PCNX3: variants seen among roughly 807,000 people sequenced by gnomAD.
PCNX3 encodes the protein pecanex-like protein 3.
A neutral mutation model predicts 207.2 loss-of-function variants in PCNX3; 58 were observed. That is an observed-to-expected ratio of 0.28 (90% CI 0.23 to 0.35). The LOEUF (loss-of-function observed/expected upper bound fraction) is 0.35. Ranked by LOEUF, PCNX3 falls within the 10% of genes least tolerant of loss-of-function variation. The pLI, the probability that PCNX3 is intolerant of heterozygous loss-of-function variation, is 1.00. For synonymous variants in PCNX3, 1,337 were observed against 1,183.5 expected (o/e 1.13, Z -2.66); for missense variants, 2,410 against 2,774.4 (o/e 0.87, Z 2.95).
chr11:65,633,057 T>G (rs1855678814), intron 27 of PCNX3, among the ~76,000 whole-genome samples: 1 of 152,152 alleles, frequency 6.6e-6, no homozygotes, highest in Non-Finnish European at 1.5e-5. Context: ...AGCTTTTCTT[T>G]TCTGGGTCTT....
At chr11:65,628,336 C>T (rs1056151023) in intron 22 of PCNX3, among the ~76,000 whole-genome samples, 1 of 152,174 alleles carries the variant, frequency 6.6e-6, no homozygotes, top group African/African-American at 2.4e-5. Context: ...GAAAAGGGGC[C>T]AGCAATAGGA....
At chr11:65,626,856 A>G (rs752348743) in intron 20 of PCNX3, 48 bp from the exon 21 acceptor site, 1 of 1,559,484 alleles carries the variant, frequency 6.4e-7, no homozygotes, top group South Asian at 1.2e-5. Context: ...TCCTCAGGGA[A>G]GGCAGGCATG....
chr11:65,621,562 A>G (rs1182588630), intron 10 of PCNX3, among the ~76,000 whole-genome samples: 2 of 152,238 alleles, frequency 1.3e-5, no homozygotes, highest in African/African-American at 4.8e-5. Context: ...GGCAGCCCCC[A>G]GAAGCTCCCA....
chr11:65,628,060 CA>C (rs1228206865), intron 22 of PCNX3, among the ~76,000 whole-genome samples: 1 of 152,228 alleles, frequency 6.6e-6, no homozygotes, highest in African/African-American at 2.4e-5. Flanking sequence ...CATGCTCCTA[CA>C]CTCTACTGGA....
At position 65,616,284 on chromosome 11, in the gene PCNX3, G is replaced by A. The variant is rs58950470; in HGVS notation, c.-28G>A. 3.3e-6 allele frequency: 5 copies of A among 1,533,656 alleles called. No homozygotes were observed. Among genetic ancestry groups the A allele is most frequent in the East Asian group, 2.5e-5 (1 of 40,324 alleles). On this transcript the variant is annotated 5_prime_UTR_variant, in exon 1 of 35. Transcript: ENST00000355703. ...GCCGCCCCCATGAGGGTCCCGGGAG[G>A]GGGGGCGCGGGCAGCAGCGGCGGGG...
rs749867953 is a variant in PCNX3 at position 65,625,930 on chromosome 11, A to G, written c.3255A>G (p.Ala1085=). Residue 1085 remains alanine (A), a synonymous_variant, in exon 20 of 35, where the codon GCA becomes GCG. Coordinates refer to ENST00000355703, the MANE Select transcript of PCNX3 (RefSeq NM_032223.4). This position sits in a 1 kb window ranked among gnomAD's most constrained non-coding sequence, Gnocchi z 5.6. The part of the protein sequence containing the change: ...LKSVLGFVLY[A]LAGAVGFFTH... ...CGGTGCTGGGTTTCGTGTTGTACGC[A>G]CTGGCTGGGGCCGTGGGCTTCTTCA... The G allele has an allele frequency of 2.5e-6, 4 of 1,613,702 alleles. No individual in the cohort carries two copies. The South Asian group carries it at 3.3e-5, about 13-fold the overall frequency.
intron 27 of PCNX3, among the ~76,000 whole-genome samples, chr11:65,631,389 G>GCT (rs1415147661): frequency 6.6e-6 from 1 of 152,182 alleles, no homozygotes; most frequent in Non-Finnish European, 1.5e-5. Context: ...AAGCGTGGTG[G>GCT]CTCATGCCTG....
rs1382048536 is a variant in PCNX3, at chr11:65,618,862, T to C, written c.1500T>C (p.His500=). 2 of 1,610,776 alleles carry C rather than the reference T, an allele frequency of 1.2e-6. No homozygotes were observed. Among genetic ancestry groups the C allele is most frequent in the Non-Finnish European group, 1.7e-6 (2 of 1,179,190 alleles). ...CTAGTACCGCCAGCGCTAAAACACATGCCCGTGTGCTGAGCATGGATGGGG... is the reference window on the plus strand; with the variant it reads ...CTAGTACCGCCAGCGCTAAAACACACGCCCGTGTGCTGAGCATGGATGGGG... ...RTPSTASAKT[H]ARVLSMDGAG... Residue 500 remains histidine, a synonymous_variant, in exon 6 of 35, where the codon CAT becomes CAC. Coordinates refer to ENST00000355703, the MANE Select transcript of PCNX3 (RefSeq NM_032223.4).
At chr11:65,626,657 T>G in intron 20 of PCNX3, 1 of 560,612 alleles carries the variant, frequency 1.8e-6, no homozygotes, top group Non-Finnish European at 3.2e-6. Flanking sequence ...GATTTCATCA[T>G]TGGCCTTGTT....
chr11:65,634,682 A>G, intron 29 of PCNX3, 41 bp downstream of exon 29: 1 of 1,496,270 alleles, frequency 6.7e-7, no homozygotes, highest in Non-Finnish European at 9.0e-7. Context: ...TGCCGTCCCC[A>G]CCCCACCTCT....
chr11:65,618,569 C>A lies in PCNX3; in HGVS notation c.1207C>A (p.Pro403Thr). The stretch of plus-strand genomic sequence containing the variant: ...GCAGCCACCCCTGCGAAGACACTCT[C>A]CACCTGGCCGTGCCCCTCGACGGCC... ...KRQPPLRRHSPPGRAPRRPLL... is the reference protein window; with the variant it reads ...KRQPPLRRHSTPGRAPRRPLL... Residue 403 changes from proline to threonine, a missense_variant, in exon 6 of 35, where the codon CCA becomes ACA. Pro to Thr is a conservative substitution (Grantham distance 38). Around this residue, in one of 8 missense-constraint regions of PCNX3, gnomAD observed 1,104 missense variants for 970.3 expected, o/e 1.14. Transcript: ENST00000355703. 1 of 1,611,956 alleles carries A rather than the reference C, an allele frequency of 6.2e-7. No individual in the cohort carries two copies. Among genetic ancestry groups the A allele is most frequent in the Non-Finnish European group, 8.5e-7 (1 of 1,179,710 alleles).
chr11:65,631,982 CAAG>C (rs1855633936), intron 27 of PCNX3, among the ~76,000 whole-genome samples: 1 of 152,182 alleles, frequency 6.6e-6, no homozygotes, highest in African/African-American at 2.4e-5. Context: ...CCCCTTTCAT[CAAG>C]AAGGAGGCTG....
chr11:65,634,762 AC>A, intron 29 of PCNX3, 121 bp downstream of exon 29: 2 of 1,182,850 alleles, frequency 1.7e-6, no homozygotes, highest in Non-Finnish European at 2.3e-6. Flanking sequence ...CTGTTGGGGT[AC>A]CTCTTCTCCC....
rs1430304900 is a variant in PCNX3, at chr11:65,636,371, G to A, written c.5594-20G>A. 3 of 1,580,282 alleles carry A rather than the reference G, an allele frequency of 1.9e-6. No individual in the cohort carries two copies. The highest frequency in any genetic ancestry group is 2.2e-5 in the East Asian group (1 of 44,554). On this transcript the variant is annotated intron_variant, in intron 33 of 34. Transcript: ENST00000355703. ...GTGCAGCCCAGCTGAGGCCTCTGCT[G>A]TCTTATCTGTCTCCTACAGGCAATG...
chr11:65,621,391 G>A (rs1230781427), intron 10 of PCNX3, among the ~76,000 whole-genome samples: 2 of 152,168 alleles, frequency 1.3e-5, no homozygotes, highest in Non-Finnish European at 2.9e-5. Context: ...CATTACCAGC[G>A]CTCTGTCACT....
In PCNX3 at chr11:65,616,348, G is replaced by T; in HGVS notation, c.37G>T (p.Val13Leu). The T allele has an allele frequency of 1.2e-6, 2 of 1,607,356 alleles. No individual in the cohort carries two copies. The highest frequency in any genetic ancestry group is 1.3e-5 in the African/African-American group (1 of 74,994). Reference sequence around the variant, plus strand: ...GGTGTTGCAGATCCTGCGCCAGGGGGTGTGGGCCTCGCTCACCGGCGGTTG... The same window carrying T: ...GGTGTTGCAGATCCTGCGCCAGGGGTTGTGGGCCTCGCTCACCGGCGGTTG... ...SQVLQILRQG[V>L]WASLTGGWFF... Residue 13 changes from valine to leucine, a missense_variant, in exon 1 of 35, where the codon GTG becomes TTG. Val to Leu is a conservative substitution (Grantham distance 32). This residue lies in a region of PCNX3 where 1,104 missense variants were observed against 970.3 expected (regional missense o/e 1.14). Coordinates refer to ENST00000355703, the MANE Select transcript of PCNX3 (RefSeq NM_032223.4).
Position 65,620,800 on chromosome 11 carries a change from G to C in PCNX3, c.2100-31G>C, listed in dbSNP as rs764457566. The C allele has an allele frequency of 2.5e-6, 4 of 1,587,620 alleles. No homozygotes were observed. In the African/African-American group the frequency reaches 4.0e-5, roughly 16 times the overall value. ...CCACCCAGCCCCAGGGCTCGCCCGT[G>C]GGGGGATCCTGATGGCTGCTGTTCT... On this transcript the variant is annotated intron_variant, in intron 9 of 34. Transcript: ENST00000355703.
chr11:65,636,168 C>T lies in PCNX3; in HGVS notation c.5460-6C>T, dbSNP rs754978154. The T allele has an allele frequency of 1.3e-6, 2 of 1,597,428 alleles. No individual in the cohort carries two copies. Among genetic ancestry groups the T allele is most frequent in the South Asian group, 2.3e-5 (2 of 88,428 alleles). On this transcript the variant is annotated splice_region_variant and splice_polypyrimidine_tract_variant and intron_variant, in intron 32 of 34. Transcript: ENST00000355703. ...CCTGATCCCTTTTCTACCTCTCCAC[C>T]CCCAGGCTTCACAAGGGCTGTGGCG...
At chr11:65,628,532 C>A in intron 22 of PCNX3, 63 bp from the exon 23 acceptor site, 1 of 1,492,746 alleles carries the variant, frequency 6.7e-7, no homozygotes, top group Non-Finnish European at 9.2e-7. Flanking sequence ...TGGGGCCTGG[C>A]ATCCGGGGGC....
Sources: allele counts gnomAD v4.1 joint callset (sites outside exome capture counted in the v4.1 genomes callset), GRCh38; gene constraint gnomAD v4.1.1; regional missense constraint gnomAD v4.1.1; non-coding constraint Gnocchi (gnomAD v3.1); transcripts MANE v1.5; gene names NCBI Gene and HGNC (gene_info 2026-07-23, HGNC 2026-07-21).